The following ATG5 variants were observed in gnomAD, a reference collection of about 807,000 sequenced individuals.
ATG5 encodes the protein autophagy protein 5.
Under a neutral mutation model 36.5 loss-of-function variants are expected in ATG5, and 14 were observed. The ratio of observed to expected loss-of-function variants is 0.38; its 90% CI spans 0.25 to 0.60. The LOEUF is 0.60. Among genes scored for constraint, ATG5 ranks in the 20% least tolerant of loss-of-function variants. ATG5 has a pLI of 0.60. For missense variants in ATG5, 195 were observed against 326.7 expected, an observed-to-expected ratio of 0.60 and a Z score of 3.11; for synonymous variants, 95 against 101.5, an observed-to-expected ratio of 0.94 and a Z score of 0.38.
rs567543488 is a variant in ATG5 at position 106,197,538 on chromosome 6, G to A, written c.691+4434C>T. Among the ~76,000 whole-genome samples, 13 of 147,360 alleles carry A rather than the reference G, an allele frequency of 8.8e-5. No homozygotes were observed. In the South Asian group the frequency reaches 1.8e-3, roughly 20 times the overall value. ...GTATTTGGGTTGGGGTGGGGGGGGC[G>A]GGGGTGGATCCCTCATGAATAGATT... On this transcript the variant is annotated intron_variant, in intron 7 of 7. Coordinates refer to ENST00000369076, the MANE Select transcript of ATG5 (RefSeq NM_004849.4).
chr6:106,263,589 C>T (rs1192837276), intron 5 of ATG5, among the ~76,000 whole-genome samples: 1 of 152,184 alleles, frequency 6.6e-6, no homozygotes, highest in Admixed American at 6.5e-5. Context: ...GGTCAGCAGA[C>T]ACCTCAAACA....
intron 7 of ATG5, among the ~76,000 whole-genome samples, chr6:106,201,318 T>C (rs962503143): frequency 4.6e-5 from 7 of 151,534 alleles, no homozygotes; most frequent in African/African-American, 1.7e-4. Flanking sequence ...TCAACAGTGG[T>C]CTCTATCAGT....
At chr6:106,287,898 C>T (rs938172451) in intron 4 of ATG5, among the ~76,000 whole-genome samples, 4 of 151,162 alleles carry the variant, frequency 2.6e-5, no homozygotes, top group Non-Finnish European at 5.9e-5. Flanking sequence ...AGAGAGAAAA[C>T]GCAAAGGTGG....
At chr6:106,258,331 C>T (rs145198178) in intron 5 of ATG5, among the ~76,000 whole-genome samples, 3,659 of 151,864 alleles carry the variant, frequency 0.024, 94 homozygotes, top group Non-Finnish European at 0.035. Flanking sequence ...CATGACCTTA[C>T]CACTGCATCT....
chr6:106,221,891 CTTATTA>C (rs951013384), intron 6 of ATG5, among the ~76,000 whole-genome samples: 2 of 151,848 alleles, frequency 1.3e-5, no homozygotes, highest in East Asian at 3.9e-4. Context: ...ATATGAGTGT[CTTATTA>C]TTATTTTTTT....
At chr6:106,305,513 G>A (rs956137315) in intron 3 of ATG5, among the ~76,000 whole-genome samples, 1 of 152,062 alleles carries the variant, frequency 6.6e-6, no homozygotes, top group Admixed American at 6.5e-5. Flanking sequence ...TCAGTGACAA[G>A]GTTATAAAGA....
At position 106,231,749 on chromosome 6, in the gene ATG5, G is replaced by A. The variant is rs184489785; in HGVS notation, c.573+16401C>T. 5.3e-5 allele frequency among the ~76,000 whole-genome samples: 8 copies of A among 152,088 alleles called. No homozygotes were observed. The East Asian group carries it at 7.7e-4, about 15-fold the overall frequency. ...AACTTCAAAAGTCTGCCTTAGGCCC[G>A]GAACAAAACTTAGAAACCCTATTGA... is the stretch of plus-strand genomic sequence containing the variant. On this transcript the variant is annotated intron_variant, in intron 6 of 7. Coordinates refer to ENST00000369076, the MANE Select transcript of ATG5 (RefSeq NM_004849.4).
chr6:106,206,004 A>C (rs906827026), intron 6 of ATG5, among the ~76,000 whole-genome samples: 2 of 152,218 alleles, frequency 1.3e-5, no homozygotes, highest in African/African-American at 2.4e-5. Context: ...GTGCTAGCAA[A>C]TAGCAATTAA....
chr6:106,311,002 A>T (rs1289174553), intron 2 of ATG5, among the ~76,000 whole-genome samples: 1 of 152,234 alleles, frequency 6.6e-6, no homozygotes. Flanking sequence ...TATACAGCTT[A>T]AAAGAATACA....
At chr6:106,272,146 G>A (rs1779477039) in intron 5 of ATG5, among the ~76,000 whole-genome samples, 1 of 152,140 alleles carries the variant, frequency 6.6e-6, no homozygotes, top group African/African-American at 2.4e-5. Flanking sequence ...TATCACCACT[G>A]GTATAGACCA....
intron 5 of ATG5, among the ~76,000 whole-genome samples, chr6:106,268,902 G>T (rs1779330719): frequency 6.6e-6 from 1 of 151,338 alleles, no homozygotes; most frequent in Non-Finnish European, 1.5e-5. Context: ...AAGCAGAGGG[G>T]GAACATTAGG....
At chr6:106,234,255 G>A (rs1777804763) in intron 6 of ATG5, among the ~76,000 whole-genome samples, 2 of 152,180 alleles carry the variant, frequency 1.3e-5, no homozygotes, top group Non-Finnish European at 2.9e-5. Context: ...ACCCATACTT[G>A]CCTGGTAAGC....
chr6:106,243,779 C>T (rs1778219654), intron 6 of ATG5, among the ~76,000 whole-genome samples: 1 of 148,632 alleles, frequency 6.7e-6, no homozygotes, highest in African/African-American at 2.5e-5. Context: ...TTCAGTGAGC[C>T]GAGATTGCAC....
At chr6:106,318,792 A>T (rs569255582) in intron 1 of ATG5, among the ~76,000 whole-genome samples, 27 of 152,354 alleles carry the variant, frequency 1.8e-4, no homozygotes, top group African/African-American at 6.0e-4. Context: ...TAGGATCTTA[A>T]AATGTTAATC....
rs1023384282 is a variant in ATG5 at position 106,323,644 on chromosome 6, C to T, written c.-59+1882G>A. ...CTAGAATCTGGTCATTTCGCACTAC[C>T]GCCACTATTACTACCCTGATTCAAG... On this transcript the variant is annotated intron_variant, in intron 1 of 7. Coordinates refer to ENST00000369076, the MANE Select transcript of ATG5 (RefSeq NM_004849.4). Among the ~76,000 whole-genome samples, 6 of 152,024 alleles carry T rather than the reference C, an allele frequency of 3.9e-5. No individual in the cohort carries two copies. The South Asian group carries it at 6.2e-4, about 16-fold the overall frequency.
chr6:106,216,828 G>T (rs995971183), intron 6 of ATG5, among the ~76,000 whole-genome samples: 5 of 152,022 alleles, frequency 3.3e-5, no homozygotes, highest in Admixed American at 6.6e-5. Flanking sequence ...ACTGCACTAT[G>T]ATCATACCTG....
intron 3 of ATG5, among the ~76,000 whole-genome samples, chr6:106,304,820 G>A (rs1769965): frequency 3.9e-5 from 6 of 152,242 alleles, no homozygotes; most frequent in African/African-American, 1.2e-4. Flanking sequence ...GGCCAGGCAC[G>A]GTGGCTCACA....
At chr6:106,310,796 T>C (rs1331964888) in intron 2 of ATG5, among the ~76,000 whole-genome samples, 1 of 152,196 alleles carries the variant, frequency 6.6e-6, no homozygotes, top group Non-Finnish European at 1.5e-5. Flanking sequence ...TGGAACCATA[T>C]AATATTTGTC....
chr6:106,253,855 C>T (rs1188895277), intron 5 of ATG5, among the ~76,000 whole-genome samples: 1 of 152,182 alleles, frequency 6.6e-6, no homozygotes, highest in Non-Finnish European at 1.5e-5. Context: ...CATCTCCTTA[C>T]TGCCTGCATC....
Sources: allele counts gnomAD v4.1 joint callset (sites outside exome capture counted in the v4.1 genomes callset), GRCh38; gene constraint gnomAD v4.1.1; transcripts MANE v1.5; gene names NCBI Gene and HGNC (gene_info 2026-07-23, HGNC 2026-07-21).